The following PSEN1 variants were observed in gnomAD, a reference collection of about 807,000 sequenced individuals.
PSEN1 encodes presenilin 1, also known as presenilin-1.
A neutral mutation model predicts 53.5 loss-of-function variants in PSEN1; 15 were observed. The ratio of observed to expected loss-of-function variants is 0.28; its 90% CI spans 0.19 to 0.43. The LOEUF (loss-of-function observed/expected upper bound fraction) is 0.43, where lower values mean the gene tolerates loss of function less well. PSEN1 is among the 20% of genes least tolerant of loss of function. The pLI, the probability that PSEN1 is intolerant of heterozygous loss-of-function variation, is 1.00. For missense variants in PSEN1, 387 were observed against 571.2 expected, an observed-to-expected ratio of 0.68 and a Z score of 3.29; for synonymous variants, 208 against 209.8, an observed-to-expected ratio of 0.99 and a Z score of 0.08.
chr14:73,210,963 A>G (rs1391323354), intron 9 of PSEN1, among the ~76,000 whole-genome samples: 6 of 152,176 alleles, frequency 3.9e-5, no homozygotes, highest in Non-Finnish European at 1.5e-5. Context: ...TTATAATGAA[A>G]TGACTGGCCC....
At chr14:73,183,401 A>G (rs2140066338) in intron 5 of PSEN1, among the ~76,000 whole-genome samples, 1 of 152,196 alleles carries the variant, frequency 6.6e-6, no homozygotes, top group South Asian at 2.1e-4. Flanking sequence ...TAGATAAACA[A>G]GTGAACAAAG....
Position 73,157,338 on chromosome 14 carries a change from C to T in PSEN1, c.87+9232C>T, listed in dbSNP as rs145840421. Among the ~76,000 whole-genome samples the T allele has an allele frequency of 5.1e-3, 768 of 151,488 alleles. 5 individuals carry two copies. Among genetic ancestry groups the T allele is most frequent in the Non-Finnish European group, 8.0e-3 (546 of 67,864 alleles). On this transcript the variant is annotated intron_variant, in intron 3 of 11. Transcript: ENST00000324501. ...TTTTTAAGTACAGATGGGGTTTCAC[C>T]GTGTTGGCCAGGCTGGGCTCAAACT...
chr14:73,193,578 AG>A (rs1898815384), intron 7 of PSEN1, among the ~76,000 whole-genome samples: 1 of 151,192 alleles, frequency 6.6e-6, no homozygotes, highest in African/African-American at 2.4e-5. Context: ...AAAAAAAAAA[AG>A]CACAAGCAGA....
intron 6 of PSEN1, 76 bp from the exon 7 acceptor site, chr14:73,192,568 G>T (rs776759540): frequency 1.6e-5 from 16 of 995,384 alleles, no homozygotes; most frequent in Non-Finnish European, 2.6e-5. Context: ...ATGTTTGGGA[G>T]CCATCACATT....
intron 8 of PSEN1, among the ~76,000 whole-genome samples, chr14:73,204,952 TTTAG>T (rs1899391224): frequency 6.6e-6 from 1 of 152,218 alleles, no homozygotes. Flanking sequence ...TAGATCTGGA[TTTAG>T]TTAAACAGTG....
chr14:73,210,514 T>A (rs143357125), intron 9 of PSEN1, among the ~76,000 whole-genome samples: 1 of 152,304 alleles, frequency 6.6e-6, no homozygotes, highest in South Asian at 2.1e-4. Flanking sequence ...ATGCTACTTA[T>A]AATTAATTAT....
At chr14:73,152,496 A>C (rs982575201) in intron 3 of PSEN1, among the ~76,000 whole-genome samples, 1 of 151,448 alleles carries the variant, frequency 6.6e-6, no homozygotes, top group Admixed American at 6.6e-5. Context: ...AGTCCCAGCT[A>C]CTCAGGAGAC....
At chr14:73,166,444 A>T (rs1259167621) in intron 3 of PSEN1, among the ~76,000 whole-genome samples, 1 of 152,256 alleles carries the variant, frequency 6.6e-6, no homozygotes, top group African/African-American at 2.4e-5. Flanking sequence ...AAACTTCTCA[A>T]GACAAAAAGA....
intron 5 of PSEN1, among the ~76,000 whole-genome samples, chr14:73,176,953 C>T (rs1254155181): frequency 5.9e-5 from 9 of 152,164 alleles, no homozygotes; most frequent in Admixed American, 2.6e-4. Flanking sequence ...ATGGAAACTG[C>T]GTATCATGTG....
chr14:73,193,515 A>G (rs1898809015), intron 7 of PSEN1, among the ~76,000 whole-genome samples: 2 of 139,384 alleles, frequency 1.4e-5, no homozygotes, highest in South Asian at 4.7e-4. Flanking sequence ...GTGCCACTGC[A>G]CTCTAGCCTG....
chr14:73,167,030 TTTC>T (rs754858106), intron 3 of PSEN1, among the ~76,000 whole-genome samples: 4 of 152,178 alleles, frequency 2.6e-5, no homozygotes, highest in Non-Finnish European at 4.4e-5. Context: ...TGTCATTTGT[TTTC>T]TTCTTTTTTG....
At position 73,211,755 on chromosome 14, in the gene PSEN1, A is replaced by C; in HGVS notation, c.956-14A>C. 1 of 1,613,828 alleles carries C rather than the reference A, an allele frequency of 6.2e-7. No homozygotes were observed. The highest frequency in any genetic ancestry group is 8.5e-7 in the Non-Finnish European group (1 of 1,179,830). ...TCTAAATATTAGAGCTGTAACTTCC[A>C]CTTTCTCTTGAAGGCACAGAAAGGG... On this transcript the variant is annotated splice_polypyrimidine_tract_variant and intron_variant, in intron 9 of 11. Coordinates refer to ENST00000324501, the MANE Select transcript of PSEN1 (RefSeq NM_000021.4).
chr14:73,204,769 G>T (rs575652870), intron 8 of PSEN1, among the ~76,000 whole-genome samples: 1 of 152,314 alleles, frequency 6.6e-6, no homozygotes, highest in South Asian at 2.1e-4. Flanking sequence ...GGGTGCAGTG[G>T]CTCATGCCTG....
At chr14:73,187,346 G>T (rs1213971904) in intron 6 of PSEN1, among the ~76,000 whole-genome samples, 1 of 152,128 alleles carries the variant, frequency 6.6e-6, no homozygotes, top group Non-Finnish European at 1.5e-5. Flanking sequence ...AGAAAAAAGT[G>T]GATCTAGTCT....
intron 1 of PSEN1, chr14:73,137,152 G>C (rs201653628): frequency 2.0e-5 from 3 of 152,640 alleles, no homozygotes; most frequent in Non-Finnish European, 4.4e-5. Flanking sequence ...GGTCAGCTCT[G>C]CTTTAGGCAT....
chr14:73,210,841 TGAAG>T (rs1203611714), intron 9 of PSEN1, among the ~76,000 whole-genome samples: 1 of 152,174 alleles, frequency 6.6e-6, no homozygotes, highest in Non-Finnish European at 1.5e-5. Flanking sequence ...TTATAAAAAA[TGAAG>T]GAAGAATAAA....
intron 1 of PSEN1, among the ~76,000 whole-genome samples, chr14:73,139,898 C>G (rs749914221): frequency 1.2e-4 from 19 of 152,088 alleles, no homozygotes; most frequent in Non-Finnish European, 2.2e-4. Flanking sequence ...ACGCCTTGTA[C>G]GGTTTCTTGT....
intron 8 of PSEN1, among the ~76,000 whole-genome samples, chr14:73,199,174 A>G (rs1346728012): frequency 6.6e-6 from 1 of 152,244 alleles, no homozygotes; most frequent in Non-Finnish European, 1.5e-5. Context: ...AGACATTGCT[A>G]GCAGACGTTT....
At position 73,193,194 on chromosome 14, in the gene PSEN1, C is replaced by T. The variant is rs570563162; in HGVS notation, c.769+330C>T. Among the ~76,000 whole-genome samples the T allele has an allele frequency of 3.9e-5, 6 of 152,066 alleles. No individual in the cohort carries two copies. In the South Asian group the frequency reaches 1.2e-3, roughly 32 times the overall value. ...GCATGGTGGTGCACACCTGTAGTTC[C>T]AGCTACTTAGGAGGCTGAGGTGGGA... On this transcript the variant is annotated intron_variant, in intron 7 of 11. Transcript: ENST00000324501.
Sources: gnomAD v4.1 joint callset for allele counts (sites outside exome capture counted in the v4.1 genomes callset) on GRCh38, gnomAD v4.1.1 for gene constraint, MANE v1.5 for transcripts, NCBI Gene and HGNC (gene_info 2026-07-23, HGNC 2026-07-21) for gene names.